The following EFNA5 variants were observed in gnomAD, a reference collection of about 807,000 sequenced individuals.
The protein encoded by EFNA5 is ephrin A5.
In EFNA5, 5 loss-of-function variants were observed where a neutral mutation model predicts 22.9. That is an observed-to-expected ratio of 0.22 (90% CI 0.11 to 0.46). The LOEUF is 0.46. Among genes scored for constraint, EFNA5 ranks in the 20% least tolerant of loss-of-function variants. The probability of loss-of-function intolerance (pLI) is 0.99; values close to 1 mark genes in which losing one functional copy is unlikely to be tolerated. For synonymous variants in EFNA5, 113 were observed against 112.2 expected (o/e 1.01, Z -0.04); for missense variants, 237 against 293.3 (o/e 0.81, Z 1.40).
At chr5:107,401,901 T>C (rs1386873242) in intron 2 of EFNA5, among the ~76,000 whole-genome samples, 2 of 152,190 alleles carry the variant, frequency 1.3e-5, no homozygotes, top group African/African-American at 2.4e-5. Context: ...GCCAAATCTA[T>C]CTGCTCTGTA....
intron 1 of EFNA5, among the ~76,000 whole-genome samples, chr5:107,657,408 T>G (rs562747075): frequency 2.6e-5 from 4 of 152,114 alleles, no homozygotes; most frequent in Admixed American, 6.6e-5. Flanking sequence ...CGCTAAGTGC[T>G]TGTCACCCCC....
chr5:107,481,071 T>C (rs1007193565), intron 1 of EFNA5, among the ~76,000 whole-genome samples: 1 of 152,098 alleles, frequency 6.6e-6, no homozygotes, highest in Non-Finnish European at 1.5e-5. Flanking sequence ...GATCCAGAGG[T>C]ACAAGAGTGA....
At chr5:107,507,979 T>G (rs529903852) in intron 1 of EFNA5, among the ~76,000 whole-genome samples, 1 of 152,306 alleles carries the variant, frequency 6.6e-6, no homozygotes, top group East Asian at 1.9e-4. Flanking sequence ...AGGTGGGATC[T>G]AACCATTAAA....
intron 2 of EFNA5, among the ~76,000 whole-genome samples, chr5:107,403,964 T>C (rs1188621285): frequency 6.6e-6 from 1 of 152,220 alleles, no homozygotes; most frequent in Non-Finnish European, 1.5e-5. Flanking sequence ...CTTTATGTAA[T>C]TTCTGAAAAA....
chr5:107,501,948 T>G (rs946866282), intron 1 of EFNA5, among the ~76,000 whole-genome samples: 1 of 152,228 alleles, frequency 6.6e-6, no homozygotes, highest in African/African-American at 2.4e-5. Context: ...AGAAAAGTAC[T>G]GCAGCTGTGA....
chr5:107,660,680 G>A (rs1482428945), intron 1 of EFNA5, among the ~76,000 whole-genome samples: 1 of 151,980 alleles, frequency 6.6e-6, no homozygotes, highest in African/African-American at 2.4e-5. Flanking sequence ...ATTCTCTGAT[G>A]TTTAATTTGT....
intron 1 of EFNA5, among the ~76,000 whole-genome samples, chr5:107,482,862 CTCTCTCTCTA>C (rs1253685843): frequency 0.014 from 1,075 of 75,864 alleles, 6 homozygotes; most frequent in East Asian, 0.082. Context: ...CTCTCTCTCT[CTCTCTCTCTA>C]TATATATATA....
At chr5:107,490,254 A>G (rs1161756802) in intron 1 of EFNA5, among the ~76,000 whole-genome samples, 1 of 151,976 alleles carries the variant, frequency 6.6e-6, no homozygotes, top group Admixed American at 6.6e-5. Flanking sequence ...TATGTCATTT[A>G]TTTGTTTATT....
chr5:107,476,009 A>G, intron 1 of EFNA5, among the ~76,000 whole-genome samples: 1 of 70,600 alleles, frequency 1.4e-5, no homozygotes, highest in South Asian at 5.1e-4. Context: ...ATAAAACATG[A>G]GATGGAAGAT....
chr5:107,499,928 A>C (rs1051452455), intron 1 of EFNA5, among the ~76,000 whole-genome samples: 4 of 152,216 alleles, frequency 2.6e-5, no homozygotes, highest in African/African-American at 7.2e-5. Context: ...GAGAGGGGCC[A>C]GCAGGAGAAA....
chr5:107,438,776 G>C (rs1580452115), intron 1 of EFNA5, among the ~76,000 whole-genome samples: 1 of 152,188 alleles, frequency 6.6e-6, no homozygotes, highest in East Asian at 1.9e-4. Context: ...CATATCTGGG[G>C]GTTAGAAATC....
At chr5:107,534,265 G>A (rs923881454) in intron 1 of EFNA5, among the ~76,000 whole-genome samples, 1 of 152,106 alleles carries the variant, frequency 6.6e-6, no homozygotes, top group Non-Finnish European at 1.5e-5. Flanking sequence ...AAACTATAAG[G>A]GGTCTGATAC....
At chr5:107,603,745 C>T (rs914689041) in intron 1 of EFNA5, among the ~76,000 whole-genome samples, 2 of 152,118 alleles carry the variant, frequency 1.3e-5, no homozygotes, top group African/African-American at 2.4e-5. Flanking sequence ...ACACTCTAAC[C>T]GTGAGGAGCT....
intron 1 of EFNA5, among the ~76,000 whole-genome samples, chr5:107,507,963 A>G (rs550891335): frequency 1.3e-5 from 2 of 152,212 alleles, no homozygotes; most frequent in African/African-American, 4.8e-5. Context: ...GCCAGGAAAG[A>G]GGACAAGGTG....
intron 1 of EFNA5, among the ~76,000 whole-genome samples, chr5:107,564,791 T>C (rs164848): frequency 0.27 from 41,381 of 152,056 alleles, 5,729 homozygotes; most frequent in South Asian, 0.36. Context: ...TGGTAATAAA[T>C]GTCAAACATT....
chr5:107,384,631 A>G (rs1037648318), intron 4 of EFNA5, among the ~76,000 whole-genome samples: 1 of 152,062 alleles, frequency 6.6e-6, no homozygotes, highest in African/African-American at 2.4e-5. Context: ...CTCTTCTTAG[A>G]GACAGAATCT....
chr5:107,637,480 T>A (rs925932263), intron 1 of EFNA5, among the ~76,000 whole-genome samples: 1 of 151,352 alleles, frequency 6.6e-6, no homozygotes, highest in African/African-American at 2.4e-5. Flanking sequence ...CAAGACCAAA[T>A]ATTCACAGCA....
chr5:107,444,093 A>G (rs887026842), intron 1 of EFNA5, among the ~76,000 whole-genome samples: 12 of 151,728 alleles, frequency 7.9e-5, no homozygotes, highest in Non-Finnish European at 1.5e-4. Flanking sequence ...GCTACATACT[A>G]TATTTGATGC....
chr5:107,560,636 C>A (rs1748514992), intron 1 of EFNA5, among the ~76,000 whole-genome samples: 1 of 152,196 alleles, frequency 6.6e-6, no homozygotes, highest in Non-Finnish European at 1.5e-5. Flanking sequence ...TACTACCTAG[C>A]TGTGTAGCAA....
Sources: gnomAD v4.1 joint callset for allele counts (sites outside exome capture counted in the v4.1 genomes callset) on GRCh38, gnomAD v4.1.1 for gene constraint, MANE v1.5 for transcripts, NCBI Gene and HGNC (gene_info 2026-07-23, HGNC 2026-07-21) for gene names.